The following PITPNM2 variants were observed in gnomAD, a reference collection of about 807,000 sequenced individuals.
PITPNM2 encodes phosphatidylinositol transfer protein membrane associated 2.
PITPNM2 carries 35 observed loss-of-function variants against 132.2 expected under a neutral mutation model. The observed-to-expected ratio is 0.26, with a 90% CI of 0.20 to 0.35. The LOEUF (loss-of-function observed/expected upper bound fraction) is 0.35, where lower values mean the gene tolerates loss of function less well. Among genes scored for constraint, PITPNM2 ranks in the 10% least tolerant of loss-of-function variants. The pLI is 1.00. For missense variants in PITPNM2, 1,332 were observed against 1,912.0 expected (o/e 0.70, Z 5.66); for synonymous variants, 738 against 799.2 (o/e 0.92, Z 1.29).
At position 123,087,991 on chromosome 12, in the gene PITPNM2, C is replaced by T. The variant is rs2042161512; in HGVS notation, c.-96+22394G>A. 5 of 152,348 alleles carry T rather than the reference C, an allele frequency of 3.3e-5. 1 individual carries two copies. In the South Asian group the frequency reaches 1.0e-3, roughly 32 times the overall value. The allele number at this position is 152,348 out of a possible 1,614,324, so 9.4% of individuals were successfully genotyped here. On this transcript the variant is annotated intron_variant, in intron 2 of 25. Transcript: ENST00000320201. ...CCAAGTGAGCATGTTAAAATAAAAA[C>T]ACAAATGAGATTATGCTACTCTCTA...
At chr12:123,016,154 C>T (rs1478639864) in intron 3 of PITPNM2, among the ~76,000 whole-genome samples, 8 of 151,984 alleles carry the variant, frequency 5.3e-5, no homozygotes, top group African/African-American at 1.4e-4. Flanking sequence ...GGTAAAACTC[C>T]GTCTCTACTG....
rs1266212164 is a variant in PITPNM2, at chr12:122,994,387, A to G, written c.2233+414T>C. Reference sequence around the variant, plus strand: ...CTGCCCTGGGTAGACAGAGACGCACAGCTGTGGCCCCTCCAGGGCTGGGAG... The same window carrying G: ...CTGCCCTGGGTAGACAGAGACGCACGGCTGTGGCCCCTCCAGGGCTGGGAG... On this transcript the variant is annotated intron_variant, in intron 15 of 25. Transcript: ENST00000320201. This position sits in a 1 kb window ranked among gnomAD's most constrained non-coding sequence, Gnocchi z 5.4. Among the ~76,000 whole-genome samples the G allele has an allele frequency of 6.6e-6, 1 of 152,204 alleles. No individual in the cohort carries two copies. The highest frequency in any genetic ancestry group is 6.5e-5 in the Admixed American group (1 of 15,282).
chr12:123,110,223 G>A (rs781046588), intron 2 of PITPNM2, among the ~76,000 whole-genome samples, 162 bp downstream of exon 2: 2 of 152,128 alleles, frequency 1.3e-5, no homozygotes, highest in African/African-American at 4.8e-5. Context: ...CAAAGTGCTG[G>A]GATTACAGGT....
rs2137771297 is a variant in PITPNM2 at position 123,151,061 on chromosome 12, G to A, written c.-508C>T. Among the ~76,000 whole-genome samples, 1 of 145,748 alleles carries A rather than the reference G, an allele frequency of 6.9e-6. No homozygotes were observed. The highest frequency in any genetic ancestry group is 2.1e-4 in the South Asian group (1 of 4,806). ...GGACAGCTCTACGCCGCGGCGCCGC[G>A]GTGCCCCGCGCACCCCAGCGGCCGC... is the stretch of plus-strand genomic sequence containing the variant. On this transcript the variant is annotated 5_prime_UTR_variant, in exon 1 of 26. Transcript: ENST00000320201.
upstream of PITPNM2, among the ~76,000 whole-genome samples, chr12:123,151,702 C>G (rs970989753): frequency 2.0e-4 from 31 of 152,122 alleles, no homozygotes; most frequent in African/African-American, 7.2e-4. Flanking sequence ...CGACAGGGCT[C>G]TCCAATGGGA....
chr12:122,987,462 A>T (rs1231237458), intron 22 of PITPNM2, 32 bp from the exon 23 acceptor site: 3 of 1,611,640 alleles, frequency 1.9e-6, no homozygotes, highest in Non-Finnish European at 2.5e-6. Flanking sequence ...CATCAGAACC[A>T]CCCAGAGCCT....
rs374092124 is a variant in PITPNM2, at chr12:123,024,860, C to G, written c.78+9653G>C. 1.5e-4 allele frequency among the ~76,000 whole-genome samples: 23 copies of G among 152,184 alleles called. 1 individual carries two copies. In the South Asian group the frequency reaches 3.9e-3, roughly 26 times the overall value. On this transcript the variant is annotated intron_variant, in intron 3 of 25. Transcript: ENST00000320201. Reference sequence around the variant, plus strand: ...CAACTCTGAATAGGCTAAAAACCACCGAACTGTGCACTTTAAATGGATGAG... The same window carrying G: ...CAACTCTGAATAGGCTAAAAACCACGGAACTGTGCACTTTAAATGGATGAG...
intron 5 of PITPNM2, 125 bp downstream of exon 5, chr12:123,012,488 C>G: frequency 3.8e-6 from 5 of 1,310,336 alleles, no homozygotes; most frequent in Non-Finnish European, 5.3e-6. Context: ...CAACTCTGAC[C>G]TGCCTGCCCA....
intron 6 of PITPNM2, among the ~76,000 whole-genome samples, chr12:123,006,525 A>AT (rs1242785138): frequency 6.7e-6 from 1 of 149,958 alleles, no homozygotes; most frequent in Non-Finnish European, 1.5e-5. Context: ...ACACAGGGAG[A>AT]TCCCCCATCT....
chr12:122,990,634 C>T lies in PITPNM2; in HGVS notation c.2480G>A (p.Ser827Asn). 1 of 1,612,260 alleles carries T rather than the reference C, an allele frequency of 6.2e-7. No homozygotes were observed. Among genetic ancestry groups the T allele is most frequent in the Non-Finnish European group, 8.5e-7 (1 of 1,179,984 alleles). ...CTCACTGGCTCGGCGGAAGCCACGA[C>T]TGGCAGGGGCAGTGCCCGGCGAGGA... ...APSSPGTAPASRGFRRASEIS... is the reference protein window; with the variant it reads ...APSSPGTAPANRGFRRASEIS... Residue 827 changes from serine (S) to asparagine (N), a missense_variant, in exon 17 of 26, where the codon AGT becomes AAT. By Grantham distance (46) the Ser-to-Asn change is conservative. Coordinates refer to ENST00000320201, the MANE Select transcript of PITPNM2 (RefSeq NM_020845.3).
At chr12:123,120,389 C>A (rs1347813194) in intron 1 of PITPNM2, among the ~76,000 whole-genome samples, 1 of 152,200 alleles carries the variant, frequency 6.6e-6, no homozygotes, top group Non-Finnish European at 1.5e-5. Context: ...TGGCCCAGGG[C>A]AGCAGCCTCC....
chr12:123,055,865 C>T lies in PITPNM2; in HGVS notation c.-95-21180G>A, dbSNP rs569184948. 3.9e-5 allele frequency among the ~76,000 whole-genome samples: 6 copies of T among 151,974 alleles called. No homozygotes were observed. The South Asian group carries it at 1.2e-3, about 32-fold the overall frequency. On this transcript the variant is annotated intron_variant, in intron 2 of 25. Transcript: ENST00000320201. ...ACAAGCCCCCTCCATAAAAGCATCCCCAATATACTAATATCATAGTTTGAA... is the reference window on the plus strand; with the variant it reads ...ACAAGCCCCCTCCATAAAAGCATCCTCAATATACTAATATCATAGTTTGAA...
Position 123,068,625 on chromosome 12 carries a change from C to T in PITPNM2, c.-95-33940G>A, listed in dbSNP as rs541972320. Among the ~76,000 whole-genome samples the T allele has an allele frequency of 1.3e-4, 20 of 152,322 alleles. 1 individual carries two copies. The South Asian group carries it at 3.3e-3, about 25-fold the overall frequency. On this transcript the variant is annotated intron_variant, in intron 2 of 25. Transcript: ENST00000320201. ...GAAATACTTAACAGCCCCCTAACCC[C>T]AAGGGGCTCAGCATCCCCTACCTGT...
intron 2 of PITPNM2, among the ~76,000 whole-genome samples, chr12:123,045,113 G>C (rs1006411054): frequency 6.6e-6 from 1 of 152,092 alleles, no homozygotes; most frequent in South Asian, 2.1e-4. Flanking sequence ...ACCTTCTCCC[G>C]AAATGCTCCC....
chr12:123,023,727 C>T lies in PITPNM2; in HGVS notation c.79-9685G>A, dbSNP rs1048590138. 1.7e-4 allele frequency among the ~76,000 whole-genome samples: 26 copies of T among 152,148 alleles called. No individual in the cohort carries two copies. Among genetic ancestry groups the T allele is most frequent in the Admixed American group, 6.5e-4 (10 of 15,274 alleles). ...AGTCCTATGAACTTGAACTGGCAAT[C>T]GTTTTGGAGCCATGACACCAAAAGC... is the stretch of plus-strand genomic sequence containing the variant. On this transcript the variant is annotated intron_variant, in intron 3 of 25. Transcript: ENST00000320201. This position sits in a 1 kb window ranked among gnomAD's most constrained non-coding sequence, Gnocchi z 4.8.
intron 6 of PITPNM2, among the ~76,000 whole-genome samples, chr12:123,007,167 G>A (rs1055703689): frequency 6.6e-5 from 10 of 152,120 alleles, no homozygotes; most frequent in African/African-American, 2.2e-4. Context: ...GCTGAATTCC[G>A]CATCTATGTG....
chr12:123,011,465 T>C (rs1448012115), intron 5 of PITPNM2, among the ~76,000 whole-genome samples: 1 of 152,216 alleles, frequency 6.6e-6, no homozygotes. Flanking sequence ...GCTCTGGCAG[T>C]GTCAGGGCTG....
rs2041593092 is a variant in PITPNM2, at chr12:123,070,561, G to A, written c.-95-35876C>T. Among the ~76,000 whole-genome samples, 3 of 152,310 alleles carry A rather than the reference G, an allele frequency of 2.0e-5. No individual in the cohort carries two copies. The South Asian group carries it at 6.2e-4, about 32-fold the overall frequency. Reference sequence around the variant, plus strand: ...GGAACATGACACACGCTGAGTCTGGGAAGCAGGCGATGTCCCCCCTCCCAG... The same window carrying A: ...GGAACATGACACACGCTGAGTCTGGAAAGCAGGCGATGTCCCCCCTCCCAG... On this transcript the variant is annotated intron_variant, in intron 2 of 25. Transcript: ENST00000320201.
intron 2 of PITPNM2, among the ~76,000 whole-genome samples, chr12:123,071,572 C>T (rs879583185): frequency 3.3e-5 from 5 of 152,232 alleles, no homozygotes; most frequent in Non-Finnish European, 5.9e-5. Flanking sequence ...ACCGCACTGG[C>T]TCTCCAAACA....
Sources: gnomAD v4.1 joint callset for allele counts (sites outside exome capture counted in the v4.1 genomes callset) on GRCh38, gnomAD v4.1.1 for gene constraint, Gnocchi (gnomAD v3.1) non-coding constraint, MANE v1.5 for transcripts, NCBI Gene and HGNC (gene_info 2026-07-23, HGNC 2026-07-21) for gene names.